TTF2: variants seen among roughly 807,000 people sequenced by gnomAD.
TTF2 encodes the protein transcription termination factor 2.
TTF2 carries 108 observed loss-of-function variants against 142.4 expected under a neutral mutation model. The ratio of observed to expected loss-of-function variants is 0.76; its 90% confidence interval spans 0.65 to 0.89. The LOEUF (loss-of-function observed/expected upper bound fraction) is 0.89. Among genes scored for constraint, TTF2 ranks in the 40% least tolerant of loss-of-function variants. TTF2 has a pLI of 0.00. For synonymous variants in TTF2, 483 were observed against 506.2 expected (o/e 0.95, Z 0.61); for missense variants, 1,327 against 1,379.8 (o/e 0.96, Z 0.61).
rs1648521943 is a variant in TTF2, at chr1:117,090,896, G to C, written c.2588+273G>C. 6.6e-6 allele frequency among the ~76,000 whole-genome samples: 1 copy of C among 152,032 alleles called. No individual in the cohort carries two copies. Among genetic ancestry groups the C allele is most frequent in the East Asian group, 1.9e-4 (1 of 5,172 alleles). On this transcript the variant is annotated intron_variant, in intron 15 of 22. Coordinates refer to ENST00000369466, the MANE Select transcript of TTF2 (RefSeq NM_003594.4). This position sits in a 1 kb window ranked among gnomAD's most constrained non-coding sequence, Gnocchi z 4.8. ...GGTGTGGTCACCATATACTGAATCT[G>C]TCTGGTCCTCATGGGGCTGTACTGA...
At chr1:117,061,609 A>G (rs1246358940) in intron 2 of TTF2, among the ~76,000 whole-genome samples, 3 of 152,226 alleles carry the variant, frequency 2.0e-5, no homozygotes, top group Non-Finnish European at 4.4e-5. Context: ...TCTCAGATAT[A>G]GTACCCAGGT....
chr1:117,060,575 C>T lies in TTF2; in HGVS notation c.131+18C>T, dbSNP rs763808083. 11 of 1,583,928 alleles carry T rather than the reference C, an allele frequency of 6.9e-6. No homozygotes were observed. The highest frequency in any genetic ancestry group is 3.6e-5 in the Admixed American group (2 of 55,764). On this transcript the variant is annotated intron_variant, in intron 2 of 22. Coordinates refer to ENST00000369466, the MANE Select transcript of TTF2 (RefSeq NM_003594.4). ...GCCACCGAGTAGGTCTGGAGCTGGG[C>T]CCCACTCCCTGTGGCTGCCCGGGGC...
chr1:117,096,696 T>C (rs1470598863), intron 20 of TTF2, among the ~76,000 whole-genome samples: 1 of 152,226 alleles, frequency 6.6e-6, no homozygotes, highest in Non-Finnish European at 1.5e-5. Flanking sequence ...AGAATTCTGA[T>C]ATGGCAACTT....
intron 21 of TTF2, chr1:117,098,451 C>A (rs1462891114): frequency 6.4e-6 from 1 of 155,564 alleles, no homozygotes; most frequent in African/African-American, 2.4e-5. Context: ...AGAGACCAGA[C>A]CTGAGTTTTG....
rs1225714065 is a variant in TTF2 at position 117,092,775 on chromosome 1, C to G, written c.2850C>G (p.Ser950=). Residue 950 remains serine (S), a synonymous_variant, in exon 18 of 23, where the codon TCC becomes TCG. Transcript: ENST00000369466. This position sits in a 1 kb window ranked among gnomAD's most constrained non-coding sequence, Gnocchi z 4.4. ...TGAAGGGTGAAGGTCTTGTCCTTTC[C>G]CTGGAAGAACAGCTCAGTGCTTTGA... The part of the protein sequence containing the change: ...MELKGEGLVL[S]LEEQLSALTL... 2 of 1,614,176 alleles carry G rather than the reference C, an allele frequency of 1.2e-6. No individual in the cohort carries two copies. The highest frequency in any genetic ancestry group is 1.7e-6 in the Non-Finnish European group (2 of 1,180,020).
In TTF2 at chr1:117,090,329, G is replaced by A. The variant is rs1414428276; in HGVS notation, c.2496+121G>A. ...GCCTCTGAGTTTCCCATCCTCCTGT[G>A]AGGAGGCCCCAGGGTTGCAGTTCCA... On this transcript the variant is annotated intron_variant, in intron 14 of 22. Transcript: ENST00000369466. The surrounding 1 kb of genome is among the most constrained non-coding windows in gnomAD (Gnocchi z 4.8). 2.2e-6 allele frequency: 3 copies of A among 1,380,640 alleles called. No individual in the cohort carries two copies. The highest frequency in any genetic ancestry group is 1.5e-5 in the African/African-American group (1 of 68,904). The allele number at this position is 1,380,640 out of a possible 1,614,324, so 85.5% of individuals were successfully genotyped here. A position where few individuals can be genotyped will look rare whatever the true frequency, so the allele number is the denominator to read the frequency against.
chr1:117,095,473 G>A, intron 19 of TTF2, 106 bp downstream of exon 19: 1 of 1,040,156 alleles, frequency 9.6e-7, no homozygotes, highest in Middle Eastern at 2.3e-4. Flanking sequence ...TCAGCAGAAA[G>A]CACTGAGGTT....
At chr1:117,091,541 G>A in intron 16 of TTF2, 131 bp downstream of exon 16, 1 of 976,500 alleles carries the variant, frequency 1.0e-6, no homozygotes, top group Middle Eastern at 2.4e-4. Flanking sequence ...CCTCAAACCA[G>A]AGTAAAATCT....
rs1489115076 is a variant in TTF2 at position 117,080,907 on chromosome 1, T to C, written c.1784-921T>C. 6.6e-6 allele frequency among the ~76,000 whole-genome samples: 1 copy of C among 152,114 alleles called. No homozygotes were observed. The highest frequency in any genetic ancestry group is 1.5e-5 in the Non-Finnish European group (1 of 67,998). ...GTCAAAGGTTCCCTAGGAAGCTCAT[T>C]AGAGATTTAATGCCCAAGGTTTTTA... On this transcript the variant is annotated intron_variant, in intron 9 of 22. Coordinates refer to ENST00000369466, the MANE Select transcript of TTF2 (RefSeq NM_003594.4). This position sits in a 1 kb window ranked among gnomAD's most constrained non-coding sequence, Gnocchi z 4.3.
chr1:117,079,533 A>AT lies in TTF2; in HGVS notation c.1702-32dup. ...GGCTCGGCATAGCCTCTCATTAGGAATTTATGCTTAGCATTTGGTTATTAC... is the reference window on the plus strand; with the variant it reads ...GGCTCGGCATAGCCTCTCATTAGGAATTTTATGCTTAGCATTTGGTTATTAC... On this transcript the variant is annotated intron_variant, in intron 8 of 22. Coordinates refer to ENST00000369466, the MANE Select transcript of TTF2 (RefSeq NM_003594.4). This position sits in a 1 kb window ranked among gnomAD's most constrained non-coding sequence, Gnocchi z 4.2. 1 of 1,608,278 alleles carries AT rather than the reference A, an allele frequency of 6.2e-7. No individual in the cohort carries two copies. Among genetic ancestry groups the AT allele is most frequent in the Non-Finnish European group, 8.5e-7 (1 of 1,174,674 alleles).
At chr1:117,069,216 A>T (rs1656391840) in intron 3 of TTF2, among the ~76,000 whole-genome samples, 1 of 152,202 alleles carries the variant, frequency 6.6e-6, no homozygotes, top group African/African-American at 2.4e-5. Flanking sequence ...GTGAACTCAT[A>T]ATCCCTAAGG....
At position 117,095,774 on chromosome 1, in the gene TTF2, G is replaced by A. The variant is rs961470330; in HGVS notation, c.3036-375G>A. 2.0e-5 allele frequency among the ~76,000 whole-genome samples: 3 copies of A among 152,132 alleles called. No individual in the cohort carries two copies. In the East Asian group the frequency reaches 5.8e-4, roughly 29 times the overall value. On this transcript the variant is annotated intron_variant, in intron 19 of 22. Coordinates refer to ENST00000369466, the MANE Select transcript of TTF2 (RefSeq NM_003594.4). The stretch of plus-strand genomic sequence containing the variant: ...AGAACTCGAATTAAGACAGCGTGGG[G>A]GCAGGGAGGAGCCTGTTGTTCTGGC...
In TTF2 at chr1:117,087,953, G is replaced by A. The variant is rs761358148; in HGVS notation, c.2161-848G>A. ...GTCAGGTGCTGTTTCGTCAAGAGCA[G>A]CCAGATTCCCACTTCAGGTATTGAA... On this transcript the variant is annotated intron_variant, in intron 12 of 22. Coordinates refer to ENST00000369466, the MANE Select transcript of TTF2 (RefSeq NM_003594.4). This position sits in a 1 kb window ranked among gnomAD's most constrained non-coding sequence, Gnocchi z 4.8. 6.6e-6 allele frequency among the ~76,000 whole-genome samples: 1 copy of A among 152,200 alleles called. No individual in the cohort carries two copies. Among genetic ancestry groups the A allele is most frequent in the Non-Finnish European group, 1.5e-5 (1 of 68,034 alleles).
chr1:117,084,305 T>C lies in TTF2; in HGVS notation c.2054+137T>C, dbSNP rs114865242. 8.8e-4 allele frequency: 966 copies of C among 1,100,912 alleles called. 3 individuals are homozygous for C. The African/African-American group carries it at 0.014, about 15-fold the overall frequency. The allele number at this position is 1,100,912 out of a possible 1,614,324, so 68.2% of individuals were successfully genotyped here. A position where few individuals can be genotyped will look rare whatever the true frequency, so the allele number is the denominator to read the frequency against. On this transcript the variant is annotated intron_variant, in intron 11 of 22. Coordinates refer to ENST00000369466, the MANE Select transcript of TTF2 (RefSeq NM_003594.4). ...AGCCAAAGACAGATCTTTAGTCTCG[T>C]CACCATACAGCCTTTGCGTTGTATC... is the stretch of plus-strand genomic sequence containing the variant.
In TTF2 at chr1:117,092,935, C is replaced by T. The variant is rs1648740463; in HGVS notation, c.2976+34C>T. On this transcript the variant is annotated intron_variant, in intron 18 of 22. Coordinates refer to ENST00000369466, the MANE Select transcript of TTF2 (RefSeq NM_003594.4). This position sits in a 1 kb window ranked among gnomAD's most constrained non-coding sequence, Gnocchi z 4.4. ...TGTCTCCTCTGTAGTAGTCGAGAGA[C>T]TTCGATTCCTCACACATTTTCCTGT... The T allele has an allele frequency of 1.2e-6, 2 of 1,609,192 alleles. No individual in the cohort carries two copies. The highest frequency in any genetic ancestry group is 1.1e-5 in the South Asian group (1 of 90,464).
chr1:117,075,017 G>A lies in TTF2; in HGVS notation c.433G>A (p.Glu145Lys). ...TCTCTGGAAACAGCTCATCAAAGGT[G>A]AAGGTGAGGAAAAGAAGGCTGATAA... ...PALWKQLIKG[E>K]GEEKKADKKQ... Residue 145 changes from glutamate (E) to lysine (K), a missense_variant, in exon 5 of 23, where the codon GAA becomes AAA. By Grantham distance (56) the Glu-to-Lys change is moderately conservative. Coordinates refer to ENST00000369466, the MANE Select transcript of TTF2 (RefSeq NM_003594.4). The surrounding 1 kb of genome is among the most constrained non-coding windows in gnomAD (Gnocchi z 4.5). 6.2e-7 allele frequency: 1 copy of A among 1,614,006 alleles called. No homozygotes were observed. The highest frequency in any genetic ancestry group is 8.5e-7 in the Non-Finnish European group (1 of 1,180,028).
intron 12 of TTF2, 131 bp from the exon 13 acceptor site, chr1:117,088,670 A>T: frequency 1.2e-6 from 1 of 858,406 alleles, no homozygotes; most frequent in Non-Finnish European, 1.7e-6. Context: ...TTCTTATTTC[A>T]GTGTACCTGA....
At position 117,090,044 on chromosome 1, in the gene TTF2, C is replaced by T. The variant is rs372953682; in HGVS notation, c.2343-11C>T. 35 of 1,611,338 alleles carry T rather than the reference C, an allele frequency of 2.2e-5. No homozygotes were observed. The highest frequency in any genetic ancestry group is 2.9e-5 in the Non-Finnish European group (34 of 1,178,686). On this transcript the variant is annotated splice_polypyrimidine_tract_variant and intron_variant, in intron 13 of 22. Coordinates refer to ENST00000369466, the MANE Select transcript of TTF2 (RefSeq NM_003594.4). This position sits in a 1 kb window ranked among gnomAD's most constrained non-coding sequence, Gnocchi z 4.8. ...TTCCCTACTCTGTGCCCTTCTTCCT[C>T]AACAAAAAAGGTTTCTCCGTTGCTC... is the stretch of plus-strand genomic sequence containing the variant.
In TTF2 at chr1:117,101,453, G is replaced by A. The variant is rs769290945; in HGVS notation, c.3418G>A (p.Val1140Ile). 8 of 1,611,504 alleles carry A rather than the reference G, an allele frequency of 5.0e-6. No homozygotes were observed. The East Asian group carries it at 1.6e-4, about 31-fold the overall frequency. ...QEKKKDLAKQ[V>I]LSGSGESVTK... ...AAAAAAGAAAGATTTGGCCAAACAA[G>A]TTCTATCAGGGTCTGGAGAATCTGT... Residue 1140 changes from valine (V) to isoleucine (I), a missense_variant, in exon 23 of 23, where the codon GTT becomes ATT. Physicochemically the swap from Val to Ile is conservative, Grantham distance 29. Transcript: ENST00000369466. This position sits in a 1 kb window ranked among gnomAD's most constrained non-coding sequence, Gnocchi z 5.9.
Sources: allele counts gnomAD v4.1 joint callset (sites outside exome capture counted in the v4.1 genomes callset), GRCh38; gene constraint gnomAD v4.1.1; non-coding constraint Gnocchi (gnomAD v3.1); transcripts MANE v1.5; gene names NCBI Gene and HGNC (gene_info 2026-07-23, HGNC 2026-07-21).